Variants in RFTN1 observed in about 807,000 individuals in gnomAD.
RFTN1 encodes the protein raftlin, lipid raft linker 1, also known as raftlin.
Under a neutral mutation model 46.5 loss-of-function variants are expected in RFTN1, and 26 were observed. The ratio of observed to expected loss-of-function variants is 0.56; its 90% CI spans 0.41 to 0.78. The LOEUF is 0.78. Among genes scored for constraint, RFTN1 ranks in the 30% least tolerant of loss-of-function variants. The probability of loss-of-function intolerance (pLI) is 0.00; values close to 1 mark genes in which losing one functional copy is unlikely to be tolerated. For missense variants in RFTN1, 693 were observed against 718.7 expected, an observed-to-expected ratio of 0.96 and a Z score of 0.41; for synonymous variants, 261 against 284.2, an observed-to-expected ratio of 0.92 and a Z score of 0.82.
Position 16,493,859 on chromosome 3 carries a change from C to A in RFTN1, c.11G>T (p.Gly4Val), listed in dbSNP as rs1428625004. 3.7e-6 allele frequency: 6 copies of A among 1,614,148 alleles called. No individual in the cohort carries two copies. The highest frequency in any genetic ancestry group is 5.1e-6 in the Non-Finnish European group (6 of 1,180,028). The change falls in exon 2 of 10, where the codon GGA becomes GTA. Residue 4 changes from glycine to valine, a missense_variant. By Grantham distance (109) the Gly-to-Val change is moderately radical. Transcript: ENST00000334133. MGC[G>V]LNKLEKRDEK... ...ATCACGTTTCTCTAACTTGTTCAAT[C>A]CGCAACCCATTTCAGCAGCTGCTGG...
At chr3:16,510,517 G>C (rs2076880278) in intron 1 of RFTN1, among the ~76,000 whole-genome samples, 1 of 152,180 alleles carries the variant, frequency 6.6e-6, no homozygotes, top group Non-Finnish European at 1.5e-5. Context: ...CAGAGTCAGG[G>C]ACTTCCTATG....
chr3:16,438,713 A>G (rs142754298), intron 2 of RFTN1, among the ~76,000 whole-genome samples: 1 of 152,038 alleles, frequency 6.6e-6, no homozygotes, highest in East Asian at 1.9e-4. Flanking sequence ...TGATAACAAC[A>G]TCAACCTGTC....
At position 16,385,347 on chromosome 3, in the gene RFTN1, T is replaced by C. The variant is rs1395649253; in HGVS notation, c.442-7245A>G. ...CATGTTAACACTTAGCTGCAGAAAT[T>C]GGAAGCTTTGCCAGGCGCTGCTGGA... On this transcript the variant is annotated intron_variant, in intron 4 of 9. Coordinates refer to ENST00000334133, the MANE Select transcript of RFTN1 (RefSeq NM_015150.2). This position sits in a 1 kb window ranked among gnomAD's most constrained non-coding sequence, Gnocchi z 5.0. 6.6e-6 allele frequency among the ~76,000 whole-genome samples: 1 copy of C among 152,198 alleles called. No homozygotes were observed. Among genetic ancestry groups the C allele is most frequent in the Non-Finnish European group, 1.5e-5 (1 of 68,030 alleles).
Position 16,495,849 on chromosome 3 carries a change from C to T in RFTN1, c.-8-1972G>A, listed in dbSNP as rs542100724. Among the ~76,000 whole-genome samples, 33 of 152,288 alleles carry T rather than the reference C, an allele frequency of 2.2e-4. No individual in the cohort carries two copies. The South Asian group carries it at 6.9e-3, about 32-fold the overall frequency. ...AGCACAGCAAGGTCTGGATTTAAGC[C>T]CCTGCATCCCCCCTTGGGAACAATC... is the stretch of plus-strand genomic sequence containing the variant. On this transcript the variant is annotated intron_variant, in intron 1 of 9. Coordinates refer to ENST00000334133, the MANE Select transcript of RFTN1 (RefSeq NM_015150.2).
chr3:16,359,663 G>A (rs1266786123), intron 6 of RFTN1, among the ~76,000 whole-genome samples: 1 of 152,210 alleles, frequency 6.6e-6, no homozygotes, highest in Non-Finnish European at 1.5e-5. Context: ...CTATCCTCCA[G>A]AACTGAGAGA....
Position 16,425,318 on chromosome 3 carries a change from T to C in RFTN1, c.332+8533A>G, listed in dbSNP as rs1391557559. On this transcript the variant is annotated intron_variant, in intron 3 of 9. Transcript: ENST00000334133. This position sits in a 1 kb window ranked among gnomAD's most constrained non-coding sequence, Gnocchi z 4.3. ...ACAGACATTTCATGGTACTGAAGTATTCACCCAAGTTTTAAGATTAACAGG... is the reference window on the plus strand; with the variant it reads ...ACAGACATTTCATGGTACTGAAGTACTCACCCAAGTTTTAAGATTAACAGG... Among the ~76,000 whole-genome samples, 1 of 152,162 alleles carries C rather than the reference T, an allele frequency of 6.6e-6. No individual in the cohort carries two copies. The highest frequency in any genetic ancestry group is 1.9e-4 in the East Asian group (1 of 5,196).
rs182013359 is a variant in RFTN1, at chr3:16,385,509, C to T, written c.442-7407G>A. On this transcript the variant is annotated intron_variant, in intron 4 of 9. Transcript: ENST00000334133. This position sits in a 1 kb window ranked among gnomAD's most constrained non-coding sequence, Gnocchi z 5.0. ...TGAAGGCTTAAAGCTTTGGACCTGG[C>T]TCTGTTACTCAGTAGTTATATTATT... is the stretch of plus-strand genomic sequence containing the variant. Among the ~76,000 whole-genome samples the T allele has an allele frequency of 1.3e-5, 2 of 152,286 alleles. No individual in the cohort carries two copies. The highest frequency in any genetic ancestry group is 3.9e-4 in the East Asian group (2 of 5,188).
chr3:16,477,926 G>A (rs1007125139), intron 2 of RFTN1, among the ~76,000 whole-genome samples: 2 of 152,198 alleles, frequency 1.3e-5, no homozygotes, highest in African/African-American at 4.8e-5. Flanking sequence ...CAGGCCCATG[G>A]CATGAAATTA....
chr3:16,425,569 T>C lies in RFTN1; in HGVS notation c.332+8282A>G, dbSNP rs1466015611. ...GGAAAATGAGCTCTCACACCAACCA[T>C]GCACGTCTCCTTCTTGTTCTCTCCA... is the stretch of plus-strand genomic sequence containing the variant. On this transcript the variant is annotated intron_variant, in intron 3 of 9. Transcript: ENST00000334133. This position sits in a 1 kb window ranked among gnomAD's most constrained non-coding sequence, Gnocchi z 4.3. 6.6e-6 allele frequency among the ~76,000 whole-genome samples: 1 copy of C among 152,156 alleles called. No individual in the cohort carries two copies. Among genetic ancestry groups the C allele is most frequent in the Non-Finnish European group, 1.5e-5 (1 of 68,010 alleles).
chr3:16,453,114 C>G (rs1179500944), intron 2 of RFTN1, among the ~76,000 whole-genome samples: 1 of 152,164 alleles, frequency 6.6e-6, no homozygotes, highest in African/African-American at 2.4e-5. Flanking sequence ...TTATTATCTC[C>G]ATTTTAAAGA....
At chr3:16,394,013 C>T (rs1024852799) in intron 4 of RFTN1, among the ~76,000 whole-genome samples, 1 of 151,858 alleles carries the variant, frequency 6.6e-6, no homozygotes, top group East Asian at 1.9e-4. Context: ...ATAATTCCTA[C>T]AACATGGAAA....
intron 2 of RFTN1, among the ~76,000 whole-genome samples, chr3:16,470,302 T>C (rs2076172566): frequency 6.6e-6 from 1 of 151,850 alleles, no homozygotes; most frequent in African/African-American, 2.4e-5. Context: ...CTGAGGGCAC[T>C]GGAGAGGAAG....
intron 4 of RFTN1, among the ~76,000 whole-genome samples, chr3:16,403,635 A>T (rs1184728): frequency 1.4e-3 from 42 of 29,156 alleles, no homozygotes; most frequent in African/African-American, 4.9e-3. Context: ...TATGTATATA[A>T]TATATAATAT....
At position 16,402,634 on chromosome 3, in the gene RFTN1, GATGAGTCATTTACATAACA is replaced by G. The variant is rs1292461370; in HGVS notation, c.441+6722_441+6740del. 8.5e-5 allele frequency among the ~76,000 whole-genome samples: 13 copies of G among 152,170 alleles called. No homozygotes were observed. Among genetic ancestry groups the G allele is most frequent in the African/African-American group, 3.1e-4 (13 of 41,434 alleles). ...CTCAACAATCAGCCAGAAAGTAAAT[GATGAGTCATTTACATAACA>G]GGCAAAATTTCATCATCCCGGAGAT... On this transcript the variant is annotated intron_variant, in intron 4 of 9. Transcript: ENST00000334133. This position sits in a 1 kb window ranked among gnomAD's most constrained non-coding sequence, Gnocchi z 4.5.
chr3:16,398,723 T>C (rs953419499), intron 4 of RFTN1, among the ~76,000 whole-genome samples: 1 of 152,042 alleles, frequency 6.6e-6, no homozygotes. Context: ...ACCATCAACC[T>C]CCTAGCAACA....
chr3:16,465,910 T>A lies in RFTN1; in HGVS notation c.145+27815A>T, dbSNP rs1490557514. Among the ~76,000 whole-genome samples, 1 of 152,208 alleles carries A rather than the reference T, an allele frequency of 6.6e-6. No homozygotes were observed. Among genetic ancestry groups the A allele is most frequent in the African/African-American group, 2.4e-5 (1 of 41,448 alleles). On this transcript the variant is annotated intron_variant, in intron 2 of 9. Coordinates refer to ENST00000334133, the MANE Select transcript of RFTN1 (RefSeq NM_015150.2). The surrounding 1 kb of genome is among the most constrained non-coding windows in gnomAD (Gnocchi z 5.1). ...AAGAAACACAAACTCCTCTAAAAGT[T>A]GAGAAACAAAAAGCTCTCGGGCCTC...
chr3:16,403,123 C>A (rs555408386), intron 4 of RFTN1, among the ~76,000 whole-genome samples: 22 of 152,340 alleles, frequency 1.4e-4, no homozygotes, highest in African/African-American at 4.6e-4. Flanking sequence ...GGCACTCCAA[C>A]ATCTGACCCC....
At chr3:16,411,017 T>C (rs772053876) in intron 3 of RFTN1, among the ~76,000 whole-genome samples, 2 of 152,130 alleles carry the variant, frequency 1.3e-5, no homozygotes, top group Non-Finnish European at 2.9e-5. Context: ...CTGGTGGTAT[T>C]GGGGAGTGGG....
intron 5 of RFTN1, among the ~76,000 whole-genome samples, chr3:16,375,085 G>A (rs2125371210): frequency 6.6e-6 from 1 of 152,326 alleles, no homozygotes; most frequent in East Asian, 1.9e-4. Context: ...TAATTGTCTT[G>A]CTGTGATTGC....
Sources: allele counts gnomAD v4.1 joint callset (sites outside exome capture counted in the v4.1 genomes callset), GRCh38; gene constraint gnomAD v4.1.1; non-coding constraint Gnocchi (gnomAD v3.1); transcripts MANE v1.5; gene names NCBI Gene and HGNC (gene_info 2026-07-23, HGNC 2026-07-21).